Variants in GAREM1 observed in about 807,000 individuals in gnomAD.
GAREM1 encodes GRB2-associated and regulator of MAPK protein 1.
GAREM1 carries 26 observed loss-of-function variants against 71.3 expected under a neutral mutation model. The observed-to-expected ratio is 0.36, with a 90% confidence interval of 0.27 to 0.51. GAREM1 has a LOEUF of 0.51. GAREM1 is among the 20% of genes least tolerant of loss of function. The pLI, the probability that GAREM1 is intolerant of heterozygous loss-of-function variation, is 0.95. For missense variants in GAREM1, 1,026 were observed against 1,103.1 expected (o/e 0.93, Z 0.99); for synonymous variants, 440 against 433.2 (o/e 1.02, Z -0.20).
At chr18:32,296,691 A>T (rs868096197) in intron 3 of GAREM1, among the ~76,000 whole-genome samples, 23 of 136,572 alleles carry the variant, frequency 1.7e-4, no homozygotes, top group African/African-American at 4.0e-4. Context: ...TATTATTATT[A>T]TTTTTTTTCT....
intron 3 of GAREM1, among the ~76,000 whole-genome samples, chr18:32,299,228 T>C (rs1177338559): frequency 6.6e-6 from 1 of 152,020 alleles, no homozygotes; most frequent in Non-Finnish European, 1.5e-5. Flanking sequence ...AAAGTGATTA[T>C]ATCTAGCCAG....
chr18:32,309,082 A>T (rs2144515752), intron 3 of GAREM1, among the ~76,000 whole-genome samples: 1 of 150,460 alleles, frequency 6.6e-6, no homozygotes, highest in East Asian at 1.9e-4. Context: ...ATGTTTGGAA[A>T]ATGTGATTTA....
intron 1 of GAREM1, among the ~76,000 whole-genome samples, chr18:32,396,150 A>G (rs2048253172): frequency 6.6e-6 from 1 of 152,222 alleles, no homozygotes; most frequent in Non-Finnish European, 1.5e-5. Context: ...ATCCACACCA[A>G]AACGCCATCT....
At chr18:32,441,763 C>T (rs1341249169) in intron 1 of GAREM1, among the ~76,000 whole-genome samples, 1 of 152,104 alleles carries the variant, frequency 6.6e-6, no homozygotes, top group Non-Finnish European at 1.5e-5. Flanking sequence ...GGCTAACCTC[C>T]CAACCCCGCA....
intron 2 of GAREM1, among the ~76,000 whole-genome samples, chr18:32,390,034 C>T (rs560954596): frequency 4.6e-5 from 7 of 152,028 alleles, no homozygotes; most frequent in Non-Finnish European, 1.0e-4. Context: ...GGGCGTAGTG[C>T]CAGGTACAAG....
intron 2 of GAREM1, among the ~76,000 whole-genome samples, chr18:32,312,455 C>G (rs987511496): frequency 1.3e-5 from 2 of 152,060 alleles, no homozygotes; most frequent in Non-Finnish European, 2.9e-5. Context: ...TAGGATTCAG[C>G]AACTTGTATT....
chr18:32,462,071 A>T (rs962357234), intron 1 of GAREM1, among the ~76,000 whole-genome samples: 1 of 152,212 alleles, frequency 6.6e-6, no homozygotes, highest in African/African-American at 2.4e-5. Flanking sequence ...ATGTCTTAAG[A>T]TTTTTACAGA....
intron 2 of GAREM1, among the ~76,000 whole-genome samples, chr18:32,369,686 T>C (rs181298383): frequency 3.4e-4 from 52 of 152,300 alleles, no homozygotes; most frequent in Non-Finnish European, 2.9e-5. Context: ...TCAAGCACAT[T>C]TCTTTAATTT....
intron 2 of GAREM1, among the ~76,000 whole-genome samples, chr18:32,324,258 A>C (rs1271600624): frequency 6.6e-6 from 1 of 152,192 alleles, no homozygotes; most frequent in African/African-American, 2.4e-5. Context: ...AAGAAAGCCA[A>C]ACTGCGTACA....
At chr18:32,359,470 T>C (rs1294019773) in intron 2 of GAREM1, among the ~76,000 whole-genome samples, 1 of 152,226 alleles carries the variant, frequency 6.6e-6, no homozygotes, top group Non-Finnish European at 1.5e-5. Context: ...ACTATACAGT[T>C]CACAGTGGAG....
chr18:32,327,862 A>G (rs2047489066), intron 2 of GAREM1, among the ~76,000 whole-genome samples: 1 of 152,172 alleles, frequency 6.6e-6, no homozygotes, highest in African/African-American at 2.4e-5. Context: ...GTTTCCTCAC[A>G]TATAAAATGG....
At position 32,307,599 on chromosome 18, in the gene GAREM1, C is replaced by T. The variant is rs151056619; in HGVS notation, c.393+2594G>A. Among the ~76,000 whole-genome samples, 687 of 152,148 alleles carry T rather than the reference C, an allele frequency of 4.5e-3. 5 individuals are homozygous for T. The highest frequency in any genetic ancestry group is 0.016 in the African/African-American group (646 of 41,508). On this transcript the variant is annotated intron_variant, in intron 3 of 5. Transcript: ENST00000269209. ...GTGCAATGGCGTGATCTCGGCTCAC[C>T]GCAACCTCTGCCTCCTGGGTTCAAG...
At chr18:32,329,357 C>T (rs138500450) in intron 2 of GAREM1, among the ~76,000 whole-genome samples, 166 of 151,046 alleles carry the variant, frequency 1.1e-3, no homozygotes, top group Non-Finnish European at 1.6e-3. Flanking sequence ...GCTTGGGCAA[C>T]GGAGCAAGAA....
At chr18:32,400,823 G>C (rs898990974) in intron 1 of GAREM1, among the ~76,000 whole-genome samples, 2 of 152,036 alleles carry the variant, frequency 1.3e-5, no homozygotes, top group African/African-American at 2.4e-5. Context: ...CTCATTACTG[G>C]GTATATACCC....
intron 2 of GAREM1, among the ~76,000 whole-genome samples, chr18:32,392,170 T>G (rs1489014908): frequency 6.6e-6 from 1 of 151,984 alleles, no homozygotes; most frequent in Non-Finnish European, 1.5e-5. Flanking sequence ...TATAATGTAT[T>G]ATAAGTGCCG....
chr18:32,355,176 A>G (rs2047791968), intron 2 of GAREM1, among the ~76,000 whole-genome samples: 1 of 152,204 alleles, frequency 6.6e-6, no homozygotes, highest in South Asian at 2.1e-4. Context: ...TCTTGTGATC[A>G]TTATAGATAT....
In GAREM1 at chr18:32,470,200, G is replaced by A; in HGVS notation, c.121+108C>T. ...CTCGGGCCAACTCCGGCGCTCAGGGGCGGGCAGCCCACTCCCCGCGGGTCC... is the reference window on the plus strand; with the variant it reads ...CTCGGGCCAACTCCGGCGCTCAGGGACGGGCAGCCCACTCCCCGCGGGTCC... On this transcript the variant is annotated intron_variant, in intron 1 of 5. Coordinates refer to ENST00000269209, the MANE Select transcript of GAREM1 (RefSeq NM_001242409.2). This position sits in a 1 kb window ranked among gnomAD's most constrained non-coding sequence, Gnocchi z 4.4. 2 of 1,255,766 alleles carry A rather than the reference G, an allele frequency of 1.6e-6. No homozygotes were observed. Among genetic ancestry groups the A allele is most frequent in the South Asian group, 4.9e-5 (2 of 40,820 alleles). 77.8% of individuals were successfully genotyped at this position (1,255,766 alleles called of 1,614,324 possible). A position where few individuals can be genotyped will look rare whatever the true frequency, so the allele number is the denominator to read the frequency against.
intron 1 of GAREM1, among the ~76,000 whole-genome samples, chr18:32,457,473 T>A (rs964427060): frequency 5.9e-5 from 9 of 151,954 alleles, no homozygotes; most frequent in African/African-American, 1.9e-4. Flanking sequence ...TCTCCTCTGA[T>A]AACACACATT....
chr18:32,425,328 C>A (rs1384890128), intron 1 of GAREM1, among the ~76,000 whole-genome samples: 1 of 152,160 alleles, frequency 6.6e-6, no homozygotes, highest in Non-Finnish European at 1.5e-5. Context: ...GTGAAGATTT[C>A]TTTAAGAAAG....
Sources: gnomAD v4.1 joint callset for allele counts (sites outside exome capture counted in the v4.1 genomes callset) on GRCh38, gnomAD v4.1.1 for gene constraint, Gnocchi (gnomAD v3.1) non-coding constraint, MANE v1.5 for transcripts, NCBI Gene and HGNC (gene_info 2026-07-23, HGNC 2026-07-21) for gene names.